The following KCNK2 variants were observed in gnomAD, a reference collection of about 807,000 sequenced individuals.
KCNK2 encodes the protein potassium channel subfamily K member 2.
In KCNK2, 21 loss-of-function variants were observed where a neutral mutation model predicts 40.5. The ratio of observed to expected loss-of-function variants is 0.52; its 90% confidence interval spans 0.37 to 0.75. The LOEUF is 0.75. Ranked by LOEUF, KCNK2 falls within the 30% of genes least tolerant of loss-of-function variation. The pLI, the probability that KCNK2 is intolerant of heterozygous loss-of-function variation, is 0.00. For missense variants in KCNK2, 399 were observed against 531.6 expected, an observed-to-expected ratio of 0.75 and a Z score of 2.45; for synonymous variants, 191 against 202.2, an observed-to-expected ratio of 0.94 and a Z score of 0.47.
intron 3 of KCNK2, among the ~76,000 whole-genome samples, chr1:215,156,548 A>G (rs1296105291): frequency 2.6e-5 from 4 of 152,176 alleles, no homozygotes; most frequent in African/African-American, 9.7e-5. Flanking sequence ...TAAATTACAG[A>G]GCTTGCCAAT....
At chr1:215,109,262 A>G (rs1232764003) in intron 2 of KCNK2, among the ~76,000 whole-genome samples, 1 of 152,014 alleles carries the variant, frequency 6.6e-6, no homozygotes, top group African/African-American at 2.4e-5. Flanking sequence ...AACCACAGTC[A>G]TCCTATTCTG....
At chr1:215,100,588 T>A (rs559899670) in intron 2 of KCNK2, among the ~76,000 whole-genome samples, 1 of 152,134 alleles carries the variant, frequency 6.6e-6, no homozygotes, top group South Asian at 2.1e-4. Flanking sequence ...ACAATGCTAA[T>A]GGCATCACAG....
intron 6 of KCNK2, among the ~76,000 whole-genome samples, chr1:215,230,960 G>A (rs565951423): frequency 1.3e-5 from 2 of 152,260 alleles, no homozygotes; most frequent in East Asian, 1.9e-4. Context: ...ACTCCAACAA[G>A]TCTGAGCTTT....
intron 6 of KCNK2, among the ~76,000 whole-genome samples, chr1:215,204,573 G>A (rs1040855105): frequency 2.0e-5 from 3 of 151,984 alleles, no homozygotes; most frequent in Non-Finnish European, 4.4e-5. Flanking sequence ...TAGGAAAAGT[G>A]GCCACCATGA....
intron 2 of KCNK2, among the ~76,000 whole-genome samples, chr1:215,108,166 A>G (rs557783277): frequency 4.2e-4 from 64 of 152,268 alleles, no homozygotes; most frequent in African/African-American, 1.5e-3. Context: ...GGCAGAGCTC[A>G]GGTGGTAAAG....
intron 3 of KCNK2, among the ~76,000 whole-genome samples, chr1:215,153,785 C>A (rs1397058781): frequency 6.6e-6 from 1 of 151,876 alleles, no homozygotes; most frequent in South Asian, 2.1e-4. Context: ...GTGTGCTGTT[C>A]CCCTCCCCGT....
At chr1:215,196,947 C>T (rs138534877) in intron 6 of KCNK2, among the ~76,000 whole-genome samples, 4 of 152,254 alleles carry the variant, frequency 2.6e-5, no homozygotes, top group East Asian at 3.9e-4. Context: ...GAACCTATTT[C>T]ATACGGTCAG....
intron 2 of KCNK2, among the ~76,000 whole-genome samples, chr1:215,090,014 CG>C (rs1558085867): frequency 6.6e-6 from 1 of 151,678 alleles, no homozygotes; most frequent in African/African-American, 2.4e-5. Context: ...TTAGTAGAGA[CG>C]GGGTTTCTCC....
chr1:215,013,075 T>A lies in KCNK2; in HGVS notation c.34+7120T>A, dbSNP rs933789986. Reference sequence around the variant, plus strand: ...TGTATAATTCAAATTTATGAAAAATTTCTTTTGTGTTTTCTTTTTTCAAAA... The same window carrying A: ...TGTATAATTCAAATTTATGAAAAATATCTTTTGTGTTTTCTTTTTTCAAAA... On this transcript the variant is annotated intron_variant, in intron 1 of 6. Transcript: ENST00000391895. Among the ~76,000 whole-genome samples the A allele has an allele frequency of 2.0e-5, 3 of 152,204 alleles. No individual in the cohort carries two copies. The East Asian group carries it at 5.8e-4, about 29-fold the overall frequency.
intron 3 of KCNK2, among the ~76,000 whole-genome samples, chr1:215,134,910 T>A (rs1015945513): frequency 1.3e-5 from 2 of 151,658 alleles, no homozygotes; most frequent in African/African-American, 2.4e-5. Flanking sequence ...ATATATATAT[T>A]TCTTATTATA....
At chr1:215,225,131 C>T (rs1287143555) in intron 6 of KCNK2, among the ~76,000 whole-genome samples, 1 of 152,170 alleles carries the variant, frequency 6.6e-6, no homozygotes, top group Admixed American at 6.5e-5. Flanking sequence ...AATAGATATT[C>T]AACAGGTAAT....
chr1:215,154,602 A>G (rs990747680), intron 3 of KCNK2, among the ~76,000 whole-genome samples: 3 of 151,938 alleles, frequency 2.0e-5, no homozygotes, highest in Non-Finnish European at 4.4e-5. Context: ...TCATTTGTCA[A>G]TTTTGGTATT....
intron 6 of KCNK2, among the ~76,000 whole-genome samples, chr1:215,198,637 G>C (rs1664962845): frequency 6.6e-6 from 1 of 152,120 alleles, no homozygotes; most frequent in Non-Finnish European, 1.5e-5. Context: ...CTGCTCAATA[G>C]ATATTCCTTA....
At chr1:215,148,920 G>T (rs112249547) in intron 3 of KCNK2, among the ~76,000 whole-genome samples, 1 of 152,014 alleles carries the variant, frequency 6.6e-6, no homozygotes, top group Non-Finnish European at 1.5e-5. Flanking sequence ...TGAAGGAATC[G>T]GGAAAGTTCA....
intron 1 of KCNK2, among the ~76,000 whole-genome samples, chr1:215,009,533 A>G (rs1656303037): frequency 1.3e-5 from 2 of 152,028 alleles, no homozygotes; most frequent in African/African-American, 2.4e-5. Flanking sequence ...TGAATAATAA[A>G]CCCAGAAATT....
chr1:215,195,933 C>G (rs748351926), intron 6 of KCNK2, among the ~76,000 whole-genome samples: 1 of 152,160 alleles, frequency 6.6e-6, no homozygotes, highest in Non-Finnish European at 1.5e-5. Flanking sequence ...GTTTAACTAT[C>G]TATTCCTAGA....
At chr1:215,126,106 A>G (rs921538417) in intron 3 of KCNK2, among the ~76,000 whole-genome samples, 1 of 152,156 alleles carries the variant, frequency 6.6e-6, no homozygotes, top group South Asian at 2.1e-4. Context: ...TAACATTTTC[A>G]TATCAGTAGA....
At chr1:215,077,276 C>A (rs527444385) in intron 1 of KCNK2, among the ~76,000 whole-genome samples, 1 of 152,092 alleles carries the variant, frequency 6.6e-6, no homozygotes, top group African/African-American at 2.4e-5. Context: ...GACATTTCAT[C>A]GAAGTACTGC....
At chr1:215,221,678 C>T (rs754698757) in intron 6 of KCNK2, among the ~76,000 whole-genome samples, 2 of 151,998 alleles carry the variant, frequency 1.3e-5, no homozygotes, top group Non-Finnish European at 2.9e-5. Flanking sequence ...GCTGTCTCAG[C>T]GATTGCAGAG....
Sources: allele counts gnomAD v4.1 joint callset (sites outside exome capture counted in the v4.1 genomes callset), GRCh38; gene constraint gnomAD v4.1.1; transcripts MANE v1.5; gene names NCBI Gene and HGNC (gene_info 2026-07-23, HGNC 2026-07-21).